The following NOL4 variants were observed in gnomAD, a reference collection of about 807,000 sequenced individuals.
NOL4 encodes cancer/testis antigen 125.
Under a neutral mutation model 75.9 loss-of-function variants are expected in NOL4, and 17 were observed. The ratio of observed to expected loss-of-function variants is 0.22; its 90% CI spans 0.15 to 0.34. The LOEUF (loss-of-function observed/expected upper bound fraction) is 0.34. Among genes scored for constraint, NOL4 ranks in the 10% least tolerant of loss-of-function variants. NOL4 has a pLI of 1.00. For missense variants in NOL4, 614 were observed against 793.5 expected, an observed-to-expected ratio of 0.77 and a Z score of 2.72; for synonymous variants, 292 against 289.9, an observed-to-expected ratio of 1.01 and a Z score of -0.07.
chr18:33,917,961 G>A (rs1464723071), intron 9 of NOL4, among the ~76,000 whole-genome samples: 1 of 152,122 alleles, frequency 6.6e-6, no homozygotes. Flanking sequence ...CTTAATCCCA[G>A]GCATTCTTCA....
At chr18:34,170,653 C>A (rs1486462467) in intron 1 of NOL4, among the ~76,000 whole-genome samples, 1 of 152,010 alleles carries the variant, frequency 6.6e-6, no homozygotes, top group Non-Finnish European at 1.5e-5. Context: ...CTAGAAAGTT[C>A]AAAAATTACA....
chr18:33,904,593 C>A (rs866202790), intron 9 of NOL4, among the ~76,000 whole-genome samples: 1 of 152,158 alleles, frequency 6.6e-6, no homozygotes, highest in Non-Finnish European at 1.5e-5. Flanking sequence ...AAGGCCATGA[C>A]AGGCAAGTGT....
chr18:34,006,560 G>A (rs1713968826), intron 6 of NOL4, among the ~76,000 whole-genome samples: 1 of 152,044 alleles, frequency 6.6e-6, no homozygotes, highest in African/African-American at 2.4e-5. Flanking sequence ...GGAAGGAACA[G>A]ACACTCTAGA....
chr18:33,885,447 A>G (rs1427488854), intron 9 of NOL4, among the ~76,000 whole-genome samples: 2 of 152,104 alleles, frequency 1.3e-5, no homozygotes, highest in African/African-American at 2.4e-5. Flanking sequence ...AATAACCAGA[A>G]TATATAAAGA....
chr18:34,084,732 G>C (rs976993989), intron 5 of NOL4, among the ~76,000 whole-genome samples: 41 of 152,080 alleles, frequency 2.7e-4, no homozygotes, highest in Middle Eastern at 3.4e-3. Context: ...CTTTCCAACT[G>C]TTCTTTCTTT....
At chr18:34,159,605 C>T (rs12960441) in intron 1 of NOL4, among the ~76,000 whole-genome samples, 36,356 of 151,948 alleles carry the variant, frequency 0.24, 5,116 homozygotes, top group East Asian at 0.44. Context: ...GGCCCCACCC[C>T]AATCCATCCC....
At chr18:34,188,702 C>T (rs1352880660) in intron 1 of NOL4, among the ~76,000 whole-genome samples, 1 of 152,110 alleles carries the variant, frequency 6.6e-6, no homozygotes, top group Non-Finnish European at 1.5e-5. Flanking sequence ...ATCACTAAAC[C>T]AGGAAAAGAT....
chr18:34,054,606 G>A (rs2076757167), intron 5 of NOL4, among the ~76,000 whole-genome samples: 1 of 151,776 alleles, frequency 6.6e-6, no homozygotes, highest in African/African-American at 2.4e-5. Flanking sequence ...AACATCTAAT[G>A]TTAGTCTAGT....
At chr18:34,156,512 T>A (rs1190946848) in intron 1 of NOL4, 1 of 152,116 alleles carries the variant, frequency 6.6e-6, no homozygotes, top group East Asian at 1.9e-4. Context: ...ATAAGAACCA[T>A]AAAAATAGGA....
At chr18:33,963,660 G>A (rs1302755456) in intron 6 of NOL4, among the ~76,000 whole-genome samples, 1 of 152,292 alleles carries the variant, frequency 6.6e-6, no homozygotes, top group African/African-American at 2.4e-5. Flanking sequence ...TTGGCTTATG[G>A]GGATAAGGGT....
intron 1 of NOL4, among the ~76,000 whole-genome samples, chr18:34,216,917 T>A (rs1176158068): frequency 6.6e-6 from 1 of 152,074 alleles, no homozygotes; most frequent in Non-Finnish European, 1.5e-5. Flanking sequence ...GCATTGACAA[T>A]CTTATATTTT....
chr18:34,157,560 AATAAGATGGCAG>A (rs1415271997), intron 1 of NOL4, among the ~76,000 whole-genome samples: 1 of 152,148 alleles, frequency 6.6e-6, no homozygotes, highest in Non-Finnish European at 1.5e-5. Flanking sequence ...AAGACAAGAA[AATAAGATGGCAG>A]ATAAAACAAT....
At chr18:34,095,603 A>T (rs772397022) in intron 4 of NOL4, among the ~76,000 whole-genome samples, 2 of 152,098 alleles carry the variant, frequency 1.3e-5, no homozygotes, top group African/African-American at 2.4e-5. Context: ...TGCTGCTCTC[A>T]CAGAGTCACA....
At chr18:33,921,343 G>T (rs982397009) in intron 9 of NOL4, among the ~76,000 whole-genome samples, 1 of 152,196 alleles carries the variant, frequency 6.6e-6, no homozygotes, top group African/African-American at 2.4e-5. Context: ...TAGGTGGATA[G>T]ATTTTTCAAG....
intron 5 of NOL4, among the ~76,000 whole-genome samples, chr18:34,045,132 T>A (rs924585082): frequency 1.3e-5 from 2 of 152,088 alleles, no homozygotes. Flanking sequence ...AGGCTGGTCT[T>A]GAACTCCTGG....
At chr18:34,045,118 G>C (rs1321157782) in intron 5 of NOL4, among the ~76,000 whole-genome samples, 1 of 151,860 alleles carries the variant, frequency 6.6e-6, no homozygotes, top group African/African-American at 2.4e-5. Context: ...TCACTCTGTT[G>C]ACCAGGCTGG....
chr18:34,064,931 A>T (rs1188983320), intron 5 of NOL4, among the ~76,000 whole-genome samples: 1 of 57,818 alleles, frequency 1.7e-5, no homozygotes, highest in African/African-American at 4.8e-5. Flanking sequence ...ACACACACAC[A>T]CACACACACA....
At chr18:34,211,593 CT>C (rs1326409525) in intron 1 of NOL4, among the ~76,000 whole-genome samples, 11 of 152,164 alleles carry the variant, frequency 7.2e-5, no homozygotes, top group Non-Finnish European at 1.2e-4. Context: ...AAGGTTGTTC[CT>C]TATTCTCAAA....
intron 1 of NOL4, among the ~76,000 whole-genome samples, chr18:34,189,245 A>T (rs746885223): frequency 3.3e-5 from 5 of 152,170 alleles, no homozygotes; most frequent in Non-Finnish European, 7.3e-5. Context: ...GAGCAGTCTC[A>T]GTTTATATTA....
Sources: gnomAD v4.1 joint callset for allele counts (sites outside exome capture counted in the v4.1 genomes callset) on GRCh38, gnomAD v4.1.1 for gene constraint, MANE v1.5 for transcripts, NCBI Gene and HGNC (gene_info 2026-07-23, HGNC 2026-07-21) for gene names.